PAPPA: variants seen among roughly 807,000 people sequenced by gnomAD.
The protein encoded by PAPPA is pappalysin-1.
Under a neutral mutation model 164.0 loss-of-function variants are expected in PAPPA, and 60 were observed. The ratio of observed to expected loss-of-function variants is 0.37; its 90% CI spans 0.30 to 0.45. The LOEUF (loss-of-function observed/expected upper bound fraction) is 0.45. Ranked by LOEUF, PAPPA falls within the 20% of genes least tolerant of loss-of-function variation. The pLI is 1.00. For missense variants in PAPPA, 1,782 were observed against 2,087.3 expected, an observed-to-expected ratio of 0.85 and a Z score of 2.85; for synonymous variants, 875 against 814.1, an observed-to-expected ratio of 1.07 and a Z score of -1.27.
chr9:116,215,321 G>C (rs1349485861), intron 4 of PAPPA, among the ~76,000 whole-genome samples: 1 of 152,168 alleles, frequency 6.6e-6, no homozygotes, highest in Non-Finnish European at 1.5e-5. Context: ...AATGGTACAA[G>C]TGAAGCACTT....
chr9:116,286,241 A>T (rs2118853558), intron 9 of PAPPA: 1 of 152,268 alleles, frequency 6.6e-6, no homozygotes, highest in South Asian at 2.1e-4. Context: ...TTAGAATTTT[A>T]GAAGAATGGG....
chr9:116,282,174 TA>T lies in PAPPA; in HGVS notation c.2953+10759del, dbSNP rs1221989082. On this transcript the variant is annotated intron_variant, in intron 9 of 21. Coordinates refer to ENST00000328252, the MANE Select transcript of PAPPA (RefSeq NM_002581.5). ...CTCAATTCCCTGATATAAAATGGAG[TA>T]GTATTTGCATGTAACCTATGCACAC... Among the ~76,000 whole-genome samples the T allele has an allele frequency of 2.0e-5, 3 of 152,098 alleles. No homozygotes were observed. The East Asian group carries it at 5.8e-4, about 29-fold the overall frequency.
intron 10 of PAPPA, among the ~76,000 whole-genome samples, chr9:116,330,836 C>A (rs754188189): frequency 6.6e-6 from 1 of 152,096 alleles, no homozygotes; most frequent in Non-Finnish European, 1.5e-5. Flanking sequence ...CAGTAGTAAC[C>A]ATTTGATCAC....
At chr9:116,253,896 T>A (rs559097389) in intron 7 of PAPPA, among the ~76,000 whole-genome samples, 3 of 152,182 alleles carry the variant, frequency 2.0e-5, no homozygotes. Context: ...CAGGGAATAT[T>A]TGGTCTCTTT....
chr9:116,227,696 A>C, intron 6 of PAPPA, 144 bp downstream of exon 6: 1 of 849,536 alleles, frequency 1.2e-6, no homozygotes, highest in Non-Finnish European at 1.8e-6. Flanking sequence ...GTTAGTAGTC[A>C]AGCGCTCATC....
intron 13 of PAPPA, among the ~76,000 whole-genome samples, chr9:116,336,366 C>G (rs1040630338): frequency 6.6e-6 from 1 of 152,208 alleles, no homozygotes; most frequent in African/African-American, 2.4e-5. Flanking sequence ...TGTGCAAAGT[C>G]TGTCGTAATC....
In PAPPA at chr9:116,312,513, A is replaced by G. The variant is rs955514123; in HGVS notation, c.3147+9563A>G. On this transcript the variant is annotated intron_variant, in intron 10 of 21. Transcript: ENST00000328252. ...GGTATTGAATTTTGTCCCTAAAACC[A>G]CATACTCATTTCTCTAAGTCTGAAA... 6.8e-4 allele frequency among the ~76,000 whole-genome samples: 103 copies of G among 152,222 alleles called. 1 individual carries two copies. The highest frequency in any genetic ancestry group is 2.2e-3 in the African/African-American group (90 of 41,560).
intron 10 of PAPPA, among the ~76,000 whole-genome samples, chr9:116,322,867 C>G (rs1254589493): frequency 1.3e-5 from 2 of 152,144 alleles, no homozygotes; most frequent in Non-Finnish European, 2.9e-5. Flanking sequence ...CATCCCCGCA[C>G]TCCTCCTCCC....
intron 10 of PAPPA, among the ~76,000 whole-genome samples, chr9:116,315,565 G>GT (rs1845777922): frequency 6.6e-6 from 1 of 152,340 alleles, no homozygotes; most frequent in South Asian, 2.1e-4. Flanking sequence ...TTTGCTTCTT[G>GT]TTTTTGCAGG....
chr9:116,185,446 A>G (rs979997863), intron 1 of PAPPA, among the ~76,000 whole-genome samples: 3 of 152,078 alleles, frequency 2.0e-5, no homozygotes, highest in East Asian at 1.9e-4. Flanking sequence ...GGCCTCCTCT[A>G]TTGATTTTGC....
chr9:116,180,771 G>T (rs938246999), intron 1 of PAPPA, among the ~76,000 whole-genome samples: 1 of 152,240 alleles, frequency 6.6e-6, no homozygotes, highest in Non-Finnish European at 1.5e-5. Flanking sequence ...AAACATCCTA[G>T]GCAAGACCAC....
chr9:116,352,493 A>G (rs896958684), intron 15 of PAPPA, among the ~76,000 whole-genome samples: 6 of 152,192 alleles, frequency 3.9e-5, no homozygotes, highest in Non-Finnish European at 8.8e-5. Context: ...CACTGTAGAC[A>G]TGGGGGTAAT....
At chr9:116,374,182 A>G (rs11789534) in intron 19 of PAPPA, among the ~76,000 whole-genome samples, 3,497 of 115,470 alleles carry the variant, frequency 0.03, 128 homozygotes, top group African/African-American at 0.092. Context: ...GATGATGATG[A>G]TGGTGGTGAT....
intron 1 of PAPPA, among the ~76,000 whole-genome samples, chr9:116,171,493 A>C (rs1373428446): frequency 7.4e-5 from 9 of 122,042 alleles, no homozygotes; most frequent in East Asian, 2.9e-4. Context: ...CCCACTTTCA[A>C]CCCCCCCACC....
intron 8 of PAPPA, among the ~76,000 whole-genome samples, chr9:116,269,322 G>A (rs1016885795): frequency 1.3e-5 from 2 of 152,136 alleles, no homozygotes; most frequent in Admixed American, 1.3e-4. Flanking sequence ...ATTCTCATCT[G>A]GATTCCCCAT....
rs141265528 is a variant in PAPPA, at chr9:116,176,075, C to A, written c.416-11079C>A. 2.5e-4 allele frequency among the ~76,000 whole-genome samples: 38 copies of A among 152,234 alleles called. 1 individual carries two copies. The East Asian group carries it at 6.4e-3, about 26-fold the overall frequency. ...AACACTTATACACTGATGGTGGAGA[C>A]TCATGAAGACTGAAGGTCTACTGGA... On this transcript the variant is annotated intron_variant, in intron 1 of 21. Coordinates refer to ENST00000328252, the MANE Select transcript of PAPPA (RefSeq NM_002581.5).
chr9:116,307,331 G>A (rs1013795695), intron 10 of PAPPA, among the ~76,000 whole-genome samples: 1 of 152,156 alleles, frequency 6.6e-6, no homozygotes, highest in African/African-American at 2.4e-5. Context: ...CGGGCACGGT[G>A]GCTCACGCTT....
chr9:116,207,077 G>C (rs760643633), intron 2 of PAPPA, among the ~76,000 whole-genome samples: 1 of 152,152 alleles, frequency 6.6e-6, no homozygotes, highest in African/African-American at 2.4e-5. Context: ...TCACTAATGT[G>C]TGCTACTGGC....
intron 2 of PAPPA, among the ~76,000 whole-genome samples, chr9:116,205,092 G>A (rs1844216896): frequency 1.3e-5 from 2 of 149,332 alleles, no homozygotes; most frequent in African/African-American, 4.9e-5. Flanking sequence ...TCCCCCCTTT[G>A]GGTGGGTTCC....
Sources: gnomAD v4.1 joint callset for allele counts (sites outside exome capture counted in the v4.1 genomes callset) on GRCh38, gnomAD v4.1.1 for gene constraint, MANE v1.5 for transcripts, NCBI Gene and HGNC (gene_info 2026-07-23, HGNC 2026-07-21) for gene names.